The following POU6F2 variants were observed in gnomAD, a reference collection of about 807,000 sequenced individuals.
POU6F2 encodes POU domain, class 6, transcription factor 2.
A neutral mutation model predicts 71.3 loss-of-function variants in POU6F2; 31 were observed. The observed-to-expected ratio is 0.43, with a 90% CI of 0.33 to 0.59. POU6F2 has a LOEUF of 0.59. POU6F2 is among the 20% of genes least tolerant of loss of function. The pLI is 0.04. For synonymous variants in POU6F2, 347 were observed against 355.7 expected, an observed-to-expected ratio of 0.98 and a Z score of 0.27; for missense variants, 783 against 856.8, an observed-to-expected ratio of 0.91 and a Z score of 1.07.
intron 2 of POU6F2, among the ~76,000 whole-genome samples, chr7:39,155,586 A>G (rs1022406313): frequency 6.6e-6 from 1 of 152,306 alleles, no homozygotes; most frequent in African/African-American, 2.4e-5. Flanking sequence ...GCAAATCTAC[A>G]TCAAATGTAT....
At chr7:39,283,018 T>G (rs1412473145) in intron 4 of POU6F2, among the ~76,000 whole-genome samples, 1 of 152,128 alleles carries the variant, frequency 6.6e-6, no homozygotes, top group Non-Finnish European at 1.5e-5. Context: ...AATTTATTCT[T>G]AGGTAACTTC....
At position 39,273,636 on chromosome 7, in the gene POU6F2, A is replaced by G. The variant is rs1005203872; in HGVS notation, c.599-66006A>G. 3.9e-5 allele frequency among the ~76,000 whole-genome samples: 6 copies of G among 152,208 alleles called. No homozygotes were observed. The South Asian group carries it at 6.2e-4, about 16-fold the overall frequency. ...ATCTTGAAGCACAAAGAGGATGTCAATGGACAACTGGAAAAAGCCTGTAAG... is the reference window on the plus strand; with the variant it reads ...ATCTTGAAGCACAAAGAGGATGTCAGTGGACAACTGGAAAAAGCCTGTAAG... On this transcript the variant is annotated intron_variant, in intron 4 of 9. Transcript: ENST00000518318.
intron 5 of POU6F2, among the ~76,000 whole-genome samples, chr7:39,353,036 G>A (rs1427992727): frequency 6.6e-6 from 1 of 152,228 alleles, no homozygotes; most frequent in South Asian, 2.1e-4. Context: ...CAAAATGGAA[G>A]AAATGTCTTC....
chr7:39,237,151 A>G (rs1420385099), intron 4 of POU6F2, among the ~76,000 whole-genome samples: 1 of 152,192 alleles, frequency 6.6e-6, no homozygotes, highest in Non-Finnish European at 1.5e-5. Flanking sequence ...AGAAGCCTGA[A>G]TGAAGCTGGA....
intron 2 of POU6F2, among the ~76,000 whole-genome samples, chr7:39,195,725 A>G (rs1395851938): frequency 6.6e-6 from 1 of 152,268 alleles, no homozygotes; most frequent in East Asian, 1.9e-4. Context: ...GTAAGGCTGC[A>G]AAGAGAGCCT....
chr7:39,338,330 G>C (rs1406285517), intron 4 of POU6F2, among the ~76,000 whole-genome samples: 1 of 152,192 alleles, frequency 6.6e-6, no homozygotes, highest in Non-Finnish European at 1.5e-5. Context: ...TTCTCTAAAA[G>C]GTCTAATAAA....
At chr7:39,396,602 A>G (rs1250564766) in intron 5 of POU6F2, among the ~76,000 whole-genome samples, 2 of 152,146 alleles carry the variant, frequency 1.3e-5, no homozygotes, top group South Asian at 4.1e-4. Context: ...GTAGAGCCTC[A>G]CTTTTCACTC....
At chr7:39,373,494 G>A (rs1027009790) in intron 5 of POU6F2, 4 of 456,596 alleles carry the variant, frequency 8.8e-6, no homozygotes, top group Admixed American at 2.3e-5. Context: ...ACCCAAGGAG[G>A]AGTATGGACT....
chr7:39,230,402 T>C (rs1322408948), intron 4 of POU6F2, among the ~76,000 whole-genome samples: 2 of 151,774 alleles, frequency 1.3e-5, no homozygotes, highest in Non-Finnish European at 2.9e-5. Context: ...AAGGACCACA[T>C]GAGCCCAGGA....
At chr7:39,136,281 T>G (rs1366991023) in intron 2 of POU6F2, among the ~76,000 whole-genome samples, 1 of 152,022 alleles carries the variant, frequency 6.6e-6, no homozygotes, top group Non-Finnish European at 1.5e-5. Context: ...ATTTGAAAAG[T>G]AAATTATTAG....
intron 6 of POU6F2, among the ~76,000 whole-genome samples, chr7:39,412,450 G>A (rs2115920214): frequency 6.6e-6 from 1 of 152,268 alleles, no homozygotes; most frequent in Non-Finnish European, 1.5e-5. Context: ...TGAGTGTTGA[G>A]TCCCTCTCTA....
intron 5 of POU6F2, among the ~76,000 whole-genome samples, chr7:39,396,628 C>T (rs965397045): frequency 1.3e-5 from 2 of 152,180 alleles, no homozygotes; most frequent in African/African-American, 4.8e-5. Flanking sequence ...CCAATGACCT[C>T]CAGGAGCCAC....
In POU6F2 at chr7:39,207,463, C is replaced by T; in HGVS notation, c.441C>T (p.Asn147=). The T allele has an allele frequency of 6.2e-7, 1 of 1,614,032 alleles. No individual in the cohort carries two copies. The highest frequency in any genetic ancestry group is 8.5e-7 in the Non-Finnish European group (1 of 1,179,882). The change falls in exon 4 of 10, where the codon AAC becomes AAT. Residue 147 remains asparagine, a synonymous_variant. Transcript: ENST00000518318. ...TGCCGGGAGGCCCCCCAGCCCTCAA[C>T]CAGCCAATCCTCATTCCCTTCAACA... is the stretch of plus-strand genomic sequence containing the variant. ...GVMPGGPPAL[N]QPILIPFNMA... is the part of the protein sequence containing the mutation.
chr7:39,303,321 G>A (rs1436743900), intron 4 of POU6F2, among the ~76,000 whole-genome samples: 1 of 151,988 alleles, frequency 6.6e-6, no homozygotes, highest in Non-Finnish European at 1.5e-5. Flanking sequence ...CTAATTTTTT[G>A]TATTTTTAGT....
At chr7:39,247,746 C>T (rs73695222) in intron 4 of POU6F2, among the ~76,000 whole-genome samples, 1 of 152,104 alleles carries the variant, frequency 6.6e-6, no homozygotes, top group Non-Finnish European at 1.5e-5. Context: ...AGAAGTCACC[C>T]TATCCCCCAG....
chr7:39,119,129 G>A (rs1791991103), intron 2 of POU6F2, among the ~76,000 whole-genome samples: 1 of 152,188 alleles, frequency 6.6e-6, no homozygotes, highest in African/African-American at 2.4e-5. Context: ...CGGGACCCAG[G>A]AAAGAGGTGG....
intron 1 of POU6F2, among the ~76,000 whole-genome samples, chr7:38,985,089 T>C (rs1223173803): frequency 2.0e-5 from 3 of 152,120 alleles, no homozygotes; most frequent in African/African-American, 7.2e-5. Flanking sequence ...TGAGGAAATA[T>C]GAGAAAAGTA....
intron 5 of POU6F2, among the ~76,000 whole-genome samples, chr7:39,391,969 GGGCTGCTGGAAGCCA>G (rs1181484272): frequency 2.6e-5 from 4 of 152,092 alleles, no homozygotes; most frequent in Non-Finnish European, 5.9e-5. Flanking sequence ...TGCTGCCTGT[GGGCTGCTGGAAGCCA>G]ACCTAGAAGT....
At chr7:39,341,515 A>C (rs894318289) in intron 5 of POU6F2, among the ~76,000 whole-genome samples, 1 of 152,216 alleles carries the variant, frequency 6.6e-6, no homozygotes, top group Non-Finnish European at 1.5e-5. Context: ...CAGCAACCTT[A>C]ATGTTGGCAG....
Sources: allele counts gnomAD v4.1 joint callset (sites outside exome capture counted in the v4.1 genomes callset), GRCh38; gene constraint gnomAD v4.1.1; transcripts MANE v1.5; gene names NCBI Gene and HGNC (gene_info 2026-07-23, HGNC 2026-07-21).